The following MICU3 variants were observed in gnomAD, a reference collection of about 807,000 sequenced individuals.
The protein encoded by MICU3 is mitochondrial calcium uptake 3, also known as calcium uptake protein 3, mitochondrial.
Under a neutral mutation model 66.5 loss-of-function variants are expected in MICU3, and 62 were observed. That is an observed-to-expected ratio of 0.93 (90% CI 0.76 to 1.15). The LOEUF is 1.15. Among genes scored for constraint, MICU3 ranks in the 50% most tolerant of loss-of-function variants. The pLI, the probability that MICU3 is intolerant of heterozygous loss-of-function variation, is 0.00. For missense variants in MICU3, 779 were observed against 664.4 expected (o/e 1.17, Z -1.90); for synonymous variants, 308 against 240.7 (o/e 1.28, Z -2.59).
chr8:17,062,794 G>A (rs956961084), intron 1 of MICU3, among the ~76,000 whole-genome samples: 13 of 151,740 alleles, frequency 8.6e-5, no homozygotes, highest in Admixed American at 5.9e-4. Context: ...CAGGAGAGTC[G>A]CTTGAACCTG....
intron 10 of MICU3, among the ~76,000 whole-genome samples, 199 bp downstream of exon 10, chr8:17,104,690 A>T (rs1801580621): frequency 6.6e-6 from 1 of 151,742 alleles, no homozygotes; most frequent in South Asian, 2.1e-4. Flanking sequence ...AAGTTACTGA[A>T]TTTTTTTAAA....
At chr8:17,133,854 A>T in the MICU3 span, among the ~76,000 whole-genome samples, 3 of 152,164 alleles carry the variant, frequency 2.0e-5, no homozygotes, top group Non-Finnish European at 4.4e-5. Flanking sequence ...TTGTGTGGGG[A>T]TGTAAATAAA....
intron 5 of MICU3, among the ~76,000 whole-genome samples, chr8:17,083,050 AT>A (rs1266099816): frequency 6.6e-6 from 1 of 152,122 alleles, no homozygotes; most frequent in African/African-American, 2.4e-5. Flanking sequence ...ACTCAAATGA[AT>A]TTCCCGAGCA....
intron 5 of MICU3, among the ~76,000 whole-genome samples, chr8:17,084,451 T>A (rs904377087): frequency 6.6e-6 from 1 of 150,758 alleles, no homozygotes; most frequent in African/African-American, 2.5e-5. Flanking sequence ...TGGTAGCAAA[T>A]GTATCTGTGG....
In MICU3 at chr8:17,105,512, T is replaced by G; in HGVS notation, c.1185T>G (p.Leu395=). The G allele has an allele frequency of 1.3e-6, 2 of 1,579,928 alleles. No homozygotes were observed. Among genetic ancestry groups the G allele is most frequent in the Non-Finnish European group, 1.7e-6 (2 of 1,159,552 alleles). The change falls in exon 11 of 15, where the codon CTT becomes CTG. Residue 395 remains leucine (L), a synonymous_variant. Transcript: ENST00000318063. ...GTGAAGAAGATTTTGCTCATATTCT[T>G]TTACGATATACAAATGTGGAAAATA... The part of the protein sequence containing the change: ...TISEEDFAHI[L]LRYTNVENTS...
chr8:17,036,582 C>G (rs1018044647), intron 1 of MICU3, among the ~76,000 whole-genome samples: 2 of 152,078 alleles, frequency 1.3e-5, no homozygotes, highest in Non-Finnish European at 1.5e-5. Context: ...TACAGAGTTT[C>G]GACACACAGG....
chr8:17,118,623 G>T (rs2150841997), intron 13 of MICU3, 84 bp from the exon 14 acceptor site: 1 of 880,594 alleles, frequency 1.1e-6, no homozygotes, highest in South Asian at 1.6e-5. Flanking sequence ...CTATGAGTTT[G>T]ACTTTTTAGA....
the MICU3 span, among the ~76,000 whole-genome samples, chr8:17,129,492 A>G: frequency 9.8e-5 from 15 of 152,362 alleles, no homozygotes; most frequent in African/African-American, 3.1e-4. Flanking sequence ...GAATTGAAAA[A>G]TACAATACTT....
At chr8:17,108,249 T>C (rs1484772833) in intron 11 of MICU3, among the ~76,000 whole-genome samples, 3 of 152,080 alleles carry the variant, frequency 2.0e-5, no homozygotes, top group African/African-American at 7.2e-5. Flanking sequence ...CAATGAAAAA[T>C]TAAGCAGGCA....
chr8:17,086,669 G>T (rs1029211891), intron 6 of MICU3, among the ~76,000 whole-genome samples: 2 of 152,054 alleles, frequency 1.3e-5, no homozygotes, highest in African/African-American at 4.8e-5. Flanking sequence ...TAAAGTAAAA[G>T]ATTAACTTTT....
intron 8 of MICU3, among the ~76,000 whole-genome samples, chr8:17,095,092 TC>T (rs1218311906): frequency 6.6e-6 from 1 of 152,016 alleles, no homozygotes; most frequent in Non-Finnish European, 1.5e-5. Flanking sequence ...CCTGAATAAT[TC>T]TTTCAAATCT....
chr8:17,029,771 A>G (rs1350481771), intron 1 of MICU3, among the ~76,000 whole-genome samples: 2 of 152,164 alleles, frequency 1.3e-5, no homozygotes, highest in East Asian at 1.9e-4. Context: ...AGGCCTTTCA[A>G]TATGGAAATC....
chr8:17,109,147 C>G (rs1211678548), intron 11 of MICU3, among the ~76,000 whole-genome samples: 1 of 151,994 alleles, frequency 6.6e-6, no homozygotes, highest in Non-Finnish European at 1.5e-5. Context: ...TCCTTCCTAC[C>G]TTAATCTGTT....
intron 8 of MICU3, among the ~76,000 whole-genome samples, chr8:17,095,483 GTGTT>G (rs1047570641): frequency 5.9e-5 from 9 of 152,016 alleles, no homozygotes; most frequent in African/African-American, 2.2e-4. Flanking sequence ...ATATGTGTGT[GTGTT>G]TGTCTGTGTT....
intron 1 of MICU3, among the ~76,000 whole-genome samples, chr8:17,040,473 C>A (rs368930928): frequency 2.2e-4 from 34 of 152,256 alleles, no homozygotes; most frequent in African/African-American, 7.7e-4. Flanking sequence ...AACACCCTAA[C>A]AGAAGGGGAA....
chr8:17,038,966 A>AT (rs1813554041), intron 1 of MICU3, among the ~76,000 whole-genome samples: 1 of 145,158 alleles, frequency 6.9e-6, no homozygotes, highest in Non-Finnish European at 1.5e-5. Flanking sequence ...AAAAAAAAAA[A>AT]ATAAATAAAT....
chr8:17,106,852 G>C (rs1801786502), intron 11 of MICU3, among the ~76,000 whole-genome samples: 1 of 151,322 alleles, frequency 6.6e-6, no homozygotes, highest in South Asian at 2.1e-4. Flanking sequence ...CGTTGTCCAA[G>C]GATTCAAATC....
chr8:17,112,374 G>A (rs1802284365), intron 11 of MICU3, among the ~76,000 whole-genome samples: 1 of 152,114 alleles, frequency 6.6e-6, no homozygotes, highest in Non-Finnish European at 1.5e-5. Flanking sequence ...AAGTCCTGAT[G>A]GTTTATTCCA....
At chr8:17,116,966 T>A (rs1366657446) in intron 13 of MICU3, among the ~76,000 whole-genome samples, 1 of 152,166 alleles carries the variant, frequency 6.6e-6, no homozygotes, top group Non-Finnish European at 1.5e-5. Flanking sequence ...CACTTTATTT[T>A]ATTTTAATTT....
Sources: gnomAD v4.1 joint callset for allele counts (sites outside exome capture counted in the v4.1 genomes callset) on GRCh38, gnomAD v4.1.1 for gene constraint, MANE v1.5 for transcripts, NCBI Gene and HGNC (gene_info 2026-07-23, HGNC 2026-07-21) for gene names.